Variants in GRIA1 observed in about 807,000 individuals in gnomAD.
GRIA1 encodes glutamate ionotropic receptor AMPA type subunit 1.
GRIA1 carries 31 observed loss-of-function variants against 99.2 expected under a neutral mutation model. The ratio of observed to expected loss-of-function variants is 0.31; its 90% CI spans 0.23 to 0.42. GRIA1 has a LOEUF of 0.42. Among genes scored for constraint, GRIA1 ranks in the 10% least tolerant of loss-of-function variants. The probability of loss-of-function intolerance (pLI) is 1.00; values close to 1 mark genes in which losing one functional copy is unlikely to be tolerated. For missense variants in GRIA1, 782 were observed against 1,157.5 expected, an observed-to-expected ratio of 0.68 and a Z score of 4.71; for synonymous variants, 438 against 432.4, an observed-to-expected ratio of 1.01 and a Z score of -0.16.
intron 2 of GRIA1, among the ~76,000 whole-genome samples, chr5:153,582,958 C>A (rs1763172425): frequency 6.6e-6 from 1 of 152,100 alleles, no homozygotes; most frequent in African/African-American, 2.4e-5. Context: ...CCACCATGCC[C>A]AGCTAATTTT....
At chr5:153,756,839 A>C (rs536248539) in intron 11 of GRIA1, among the ~76,000 whole-genome samples, 8 of 152,316 alleles carry the variant, frequency 5.3e-5, no homozygotes, top group Non-Finnish European at 1.0e-4. Flanking sequence ...CAACTGAAGG[A>C]TGAGCACAAA....
chr5:153,727,664 G>A (rs1422573551), intron 11 of GRIA1, among the ~76,000 whole-genome samples: 1 of 152,076 alleles, frequency 6.6e-6, no homozygotes, highest in Non-Finnish European at 1.5e-5. Context: ...AAATACCTAG[G>A]AATCCAACTT....
intron 4 of GRIA1, among the ~76,000 whole-genome samples, chr5:153,654,989 CTG>C: frequency 6.6e-6 from 1 of 152,158 alleles, no homozygotes; most frequent in African/African-American, 2.4e-5. Context: ...TAGGGATAGT[CTG>C]CATTTTGGGA....
At chr5:153,624,319 G>A (rs1767370195) in intron 2 of GRIA1, among the ~76,000 whole-genome samples, 2 of 152,308 alleles carry the variant, frequency 1.3e-5, no homozygotes, top group South Asian at 4.1e-4. Context: ...ACACCAACCT[G>A]CACCCATTTT....
chr5:153,701,981 G>A (rs1044056558), intron 10 of GRIA1, among the ~76,000 whole-genome samples: 2 of 152,036 alleles, frequency 1.3e-5, no homozygotes, highest in South Asian at 2.1e-4. Flanking sequence ...TCTGCATATC[G>A]ACTTCATGAG....
At chr5:153,698,237 C>A (rs775561166) in intron 9 of GRIA1, 83 bp downstream of exon 9, 29 of 725,314 alleles carry the variant, frequency 4.0e-5, no homozygotes, top group Non-Finnish European at 6.2e-5. Flanking sequence ...TGAAAGCTGG[C>A]CTTTCTTCTT....
intron 2 of GRIA1, among the ~76,000 whole-genome samples, chr5:153,641,211 T>C (rs1753757175): frequency 6.6e-6 from 1 of 152,090 alleles, no homozygotes; most frequent in Non-Finnish European, 1.5e-5. Flanking sequence ...TTATCTGCTA[T>C]TTACAATGAG....
At chr5:153,569,754 GC>G (rs1437392555) in intron 2 of GRIA1, among the ~76,000 whole-genome samples, 2 of 152,152 alleles carry the variant, frequency 1.3e-5, no homozygotes, top group Admixed American at 6.5e-5. Context: ...TAAGATTCCT[GC>G]AGATAGGCAT....
intron 13 of GRIA1, among the ~76,000 whole-genome samples, chr5:153,783,860 C>T (rs1037460745): frequency 6.6e-6 from 1 of 152,138 alleles, no homozygotes; most frequent in Non-Finnish European, 1.5e-5. Context: ...ACAGTGGGAC[C>T]AGAAGGCTCA....
At chr5:153,576,968 G>A (rs1263397768) in intron 2 of GRIA1, among the ~76,000 whole-genome samples, 1 of 145,710 alleles carries the variant, frequency 6.9e-6, no homozygotes, top group African/African-American at 2.5e-5. Flanking sequence ...ATGGATGGAT[G>A]GATGGATGGA....
intron 2 of GRIA1, among the ~76,000 whole-genome samples, chr5:153,629,930 G>C (rs1392919285): frequency 6.6e-6 from 1 of 152,082 alleles, no homozygotes; most frequent in Admixed American, 6.5e-5. Context: ...ATGTTGAATT[G>C]ATAAATTTAC....
chr5:153,593,268 A>C (rs917520972), intron 2 of GRIA1, among the ~76,000 whole-genome samples: 2 of 152,096 alleles, frequency 1.3e-5, no homozygotes, highest in South Asian at 4.2e-4. Flanking sequence ...TTCCATCTCA[A>C]AAAAATAAAA....
At position 153,674,780 on chromosome 5, in the gene GRIA1, A is replaced by AC. The variant is rs1756449088; in HGVS notation, c.861+119_861+120insC. On this transcript the variant is annotated intron_variant, in intron 6 of 15. Transcript: ENST00000285900. The stretch of plus-strand genomic sequence containing the variant: ...TTTTCTAAAGCGAACAAATTCAGGG[A>AC]AATATATTTGTAAAGATTATTAGGT... 4 of 1,069,444 alleles carry AC rather than the reference A, an allele frequency of 3.7e-6. No homozygotes were observed. In the East Asian group the frequency reaches 1.0e-4, roughly 27 times the overall value. The allele number at this position is 1,069,444 out of a possible 1,614,324, so 66.2% of individuals were successfully genotyped here. A position where few individuals can be genotyped will look rare whatever the true frequency, so the allele number is the denominator to read the frequency against.
intron 5 of GRIA1, among the ~76,000 whole-genome samples, chr5:153,662,800 C>CTG (rs1481013627): frequency 1.3e-5 from 2 of 152,148 alleles, no homozygotes; most frequent in East Asian, 3.9e-4. Context: ...CCATATGCCT[C>CTG]TGTGTTGAGG....
intron 2 of GRIA1, among the ~76,000 whole-genome samples, chr5:153,523,326 T>G (rs1183736272): frequency 6.6e-6 from 1 of 152,162 alleles, no homozygotes; most frequent in Non-Finnish European, 1.5e-5. Context: ...ATAATCTCCC[T>G]TCTCAAATGC....
At chr5:153,599,924 C>T (rs1764746422) in intron 2 of GRIA1, among the ~76,000 whole-genome samples, 1 of 152,026 alleles carries the variant, frequency 6.6e-6, no homozygotes, top group Admixed American at 6.6e-5. Context: ...TCCTGAGGTA[C>T]ATGGTGGAGT....
intron 15 of GRIA1, among the ~76,000 whole-genome samples, chr5:153,810,203 A>G (rs1766720869): frequency 1.3e-5 from 2 of 152,312 alleles, no homozygotes; most frequent in South Asian, 4.1e-4. Context: ...ACATTCTAGA[A>G]GTCACAAGCT....
chr5:153,764,614 T>G lies in GRIA1; in HGVS notation c.2004T>G (p.Ser668=), dbSNP rs753499814. 6.2e-7 allele frequency: 1 copy of G among 1,613,354 alleles called. No individual in the cohort carries two copies. Among genetic ancestry groups the G allele is most frequent in the Non-Finnish European group, 8.5e-7 (1 of 1,179,292 alleles). ...EIAYGTLEAG[S]TKEFFRRSKI... is the part of the protein sequence containing the mutation. The stretch of plus-strand genomic sequence containing the variant: ...CCTACGGGACGCTGGAAGCAGGATC[T>G]ACTAAGGAGTTCTTCAGGGTAGGGA... The change falls in exon 12 of 16, where the codon TCT becomes TCG. Residue 668 remains serine, a synonymous_variant. Transcript: ENST00000285900.
At chr5:153,700,397 T>C (rs1286337252) in intron 10 of GRIA1, among the ~76,000 whole-genome samples, 1 of 151,860 alleles carries the variant, frequency 6.6e-6, no homozygotes, top group Non-Finnish European at 1.5e-5. Context: ...AAAATGATAA[T>C]AAAAAACATA....
Sources: allele counts gnomAD v4.1 joint callset (sites outside exome capture counted in the v4.1 genomes callset), GRCh38; gene constraint gnomAD v4.1.1; transcripts MANE v1.5; gene names NCBI Gene and HGNC (gene_info 2026-07-23, HGNC 2026-07-21).